The following DPP6 variants were observed in gnomAD, a reference collection of about 807,000 sequenced individuals.
DPP6 encodes the protein A-type potassium channel modulatory protein DPP6.
In DPP6, 69 loss-of-function variants were observed where a neutral mutation model predicts 122.6. The observed-to-expected ratio is 0.56, with a 90% CI of 0.46 to 0.69. DPP6 has a LOEUF of 0.69. DPP6 is among the 30% of genes least tolerant of loss of function. The probability of loss-of-function intolerance (pLI) is 0.00; values close to 1 mark genes in which losing one functional copy is unlikely to be tolerated. For missense variants in DPP6, 928 were observed against 1,116.9 expected (o/e 0.83, Z 2.41); for synonymous variants, 418 against 433.1 (o/e 0.97, Z 0.43).
chr7:154,161,038 C>T (rs939538164), intron 1 of DPP6, among the ~76,000 whole-genome samples: 39 of 152,178 alleles, frequency 2.6e-4, no homozygotes, highest in African/African-American at 8.9e-4. Context: ...AGGAGGCTCC[C>T]ACAAGTGCAG....
chr7:154,564,218 G>T (rs982210940), intron 4 of DPP6, among the ~76,000 whole-genome samples: 1 of 152,130 alleles, frequency 6.6e-6, no homozygotes, highest in African/African-American at 2.4e-5. Flanking sequence ...TTGAGTGGTG[G>T]GGGTGAGAGC....
At chr7:153,804,682 C>CAGGA in the DPP6 span, among the ~76,000 whole-genome samples, 1 of 152,166 alleles carries the variant, frequency 6.6e-6, no homozygotes, top group Admixed American at 6.5e-5. Flanking sequence ...ATCACAAGGT[C>CAGGA]AGGAGTTCGA....
chr7:153,922,897 A>C (rs145652515), intron 1 of DPP6, among the ~76,000 whole-genome samples: 1 of 152,344 alleles, frequency 6.6e-6, no homozygotes, highest in African/African-American at 2.4e-5. Context: ...GGGACATCCA[A>C]AGCTGGCCCA....
intron 1 of DPP6, among the ~76,000 whole-genome samples, chr7:154,169,588 T>G (rs544638343): frequency 1.5e-3 from 232 of 152,340 alleles, no homozygotes; most frequent in African/African-American, 5.3e-3. Flanking sequence ...TTAAATGAAT[T>G]AATGCATTAG....
At chr7:153,974,186 A>T (rs1295967589) in intron 1 of DPP6, among the ~76,000 whole-genome samples, 1 of 152,166 alleles carries the variant, frequency 6.6e-6, no homozygotes, top group Non-Finnish European at 1.5e-5. Context: ...GCACTGCAGG[A>T]TGGCATCCTT....
chr7:154,633,071 A>C (rs916799927), intron 5 of DPP6, among the ~76,000 whole-genome samples: 12 of 152,312 alleles, frequency 7.9e-5, no homozygotes, highest in Middle Eastern at 3.4e-3. Flanking sequence ...GAGAGATATT[A>C]ATGTAATGCT....
intron 5 of DPP6, among the ~76,000 whole-genome samples, chr7:154,570,063 T>G (rs1354534145): frequency 6.6e-6 from 1 of 151,864 alleles, no homozygotes; most frequent in Non-Finnish European, 1.5e-5. Context: ...AGGGCCAGAT[T>G]TAAGGCTCTA....
the DPP6 span, among the ~76,000 whole-genome samples, chr7:153,867,392 A>G: frequency 2.6e-5 from 4 of 152,014 alleles, no homozygotes; most frequent in African/African-American, 9.7e-5. Context: ...ATTCCTAAGT[A>G]TTTTATTCTC....
chr7:154,727,350 A>T (rs1268274022), intron 7 of DPP6, among the ~76,000 whole-genome samples: 2 of 151,970 alleles, frequency 1.3e-5, no homozygotes, highest in Non-Finnish European at 2.9e-5. Context: ...TCTTGTGAGA[A>T]CTCCCTCACT....
intron 1 of DPP6, among the ~76,000 whole-genome samples, chr7:154,378,615 C>T (rs545568715): frequency 6.6e-6 from 1 of 152,328 alleles, no homozygotes; most frequent in Admixed American, 6.5e-5. Context: ...AGAAAACTCT[C>T]CTGTCTCATA....
chr7:154,514,466 C>T (rs1336410918), intron 3 of DPP6, among the ~76,000 whole-genome samples: 1 of 152,046 alleles, frequency 6.6e-6, no homozygotes, highest in East Asian at 1.9e-4. Flanking sequence ...ATTCACATCG[C>T]TATGCACCCA....
chr7:154,441,450 C>G (rs1324053992), intron 1 of DPP6, among the ~76,000 whole-genome samples: 5 of 152,172 alleles, frequency 3.3e-5, no homozygotes, highest in African/African-American at 1.2e-4. Flanking sequence ...AACACCTATG[C>G]AATCAGTTCC....
chr7:154,804,086 C>T (rs1798545688), intron 14 of DPP6, 131 bp downstream of exon 14: 2 of 1,121,566 alleles, frequency 1.8e-6, no homozygotes, highest in South Asian at 3.1e-5. Context: ...GCATCACTGA[C>T]TCCTAGTTTC....
chr7:154,030,168 C>T (rs1189108323), intron 1 of DPP6, among the ~76,000 whole-genome samples: 1 of 152,180 alleles, frequency 6.6e-6, no homozygotes, highest in Non-Finnish European at 1.5e-5. Context: ...CGCATTCCAG[C>T]CTGAGTGACA....
intron 1 of DPP6, among the ~76,000 whole-genome samples, chr7:154,322,911 G>A (rs142921285): frequency 2.2e-3 from 337 of 152,222 alleles, no homozygotes; most frequent in Admixed American, 3.6e-3. Flanking sequence ...AACGCCATGA[G>A]CAAAAATCAA....
In DPP6 at chr7:154,676,188, T is replaced by A. The variant is rs189210400; in HGVS notation, c.762+6747T>A. The stretch of plus-strand genomic sequence containing the variant: ...TACACAGGTGTTCCGGGCTACAGCC[T>A]TGCAGCGTGCTGTCTGGAGGTCCAG... On this transcript the variant is annotated intron_variant, in intron 7 of 25. Coordinates refer to ENST00000377770, the MANE Select transcript of DPP6 (RefSeq NM_130797.4). 1.7e-3 allele frequency among the ~76,000 whole-genome samples: 253 copies of A among 145,890 alleles called. 2 individuals are homozygous for A. The highest frequency in any genetic ancestry group is 7.4e-3 in the Middle Eastern group (2 of 270).
At chr7:154,070,823 C>G (rs567481077) in intron 1 of DPP6, among the ~76,000 whole-genome samples, 1 of 152,204 alleles carries the variant, frequency 6.6e-6, no homozygotes, top group African/African-American at 2.4e-5. Flanking sequence ...TACCCATGGG[C>G]CAAACTCTGG....
At chr7:154,469,705 C>A (rs989614497) in intron 2 of DPP6, among the ~76,000 whole-genome samples, 1 of 152,078 alleles carries the variant, frequency 6.6e-6, no homozygotes, top group African/African-American at 2.4e-5. Flanking sequence ...GGAGTAGCAC[C>A]TGCAACACAT....
intron 16 of DPP6, among the ~76,000 whole-genome samples, chr7:154,811,840 C>T (rs1436152241): frequency 1.3e-5 from 2 of 152,134 alleles, no homozygotes; most frequent in African/African-American, 4.8e-5. Flanking sequence ...ATAACGTCTC[C>T]ACTCCTAGCA....
Sources: allele counts gnomAD v4.1 joint callset (sites outside exome capture counted in the v4.1 genomes callset), GRCh38; gene constraint gnomAD v4.1.1; transcripts MANE v1.5; gene names NCBI Gene and HGNC (gene_info 2026-07-23, HGNC 2026-07-21).